The following TMEM74 variants were observed in gnomAD, a reference collection of about 807,000 sequenced individuals.
TMEM74 encodes transmembrane protein 74.
TMEM74 carries 13 observed loss-of-function variants against 18.1 expected under a neutral mutation model. The ratio of observed to expected loss-of-function variants is 0.72; its 90% CI spans 0.47 to 1.14. The LOEUF (loss-of-function observed/expected upper bound fraction) is 1.14. Among genes scored for constraint, TMEM74 ranks in the 50% most tolerant of loss-of-function variants. The pLI is 0.00. For missense variants in TMEM74, 372 were observed against 375.9 expected, an observed-to-expected ratio of 0.99 and a Z score of 0.09; for synonymous variants, 159 against 146.6, an observed-to-expected ratio of 1.08 and a Z score of -0.61.
At chr8:108,652,099 A>T (rs1434909530) in intron 2 of TMEM74, among the ~76,000 whole-genome samples, 1 of 145,472 alleles carries the variant, frequency 6.9e-6, no homozygotes, top group African/African-American at 2.5e-5. Context: ...TTTGCTAGAA[A>T]GAAAAAACAT....
chr8:108,749,385 C>G (rs1813882628), intron 1 of TMEM74, among the ~76,000 whole-genome samples: 1 of 152,076 alleles, frequency 6.6e-6, no homozygotes, highest in Non-Finnish European at 1.5e-5. Flanking sequence ...TATCTGTATT[C>G]CTAGGTATTT....
Position 108,784,159 on chromosome 8 carries a change from C to A in TMEM74, c.*22G>T. On this transcript the variant is annotated 3_prime_UTR_variant, in exon 2 of 2. Transcript: ENST00000297459. ...ATATTATAAAATGCCAAGGCAGACT[C>A]TCAAGATATTCACAACCAGAATTAA... 1 of 1,532,100 alleles carries A rather than the reference C, an allele frequency of 6.5e-7. No individual in the cohort carries two copies. The allele number at this position is 1,532,100 out of a possible 1,614,324, so 94.9% of individuals were successfully genotyped here.
chr8:108,718,176 T>C (rs1233099734), intron 1 of TMEM74, among the ~76,000 whole-genome samples: 1 of 73,192 alleles, frequency 1.4e-5, no homozygotes, highest in Admixed American at 1.4e-4. Flanking sequence ...GCCGGGATGG[T>C]CTCGATCTCC....
chr8:108,786,576 A>G (rs1220766662), intron 1 of TMEM74, among the ~76,000 whole-genome samples: 1 of 152,234 alleles, frequency 6.6e-6, no homozygotes, highest in African/African-American at 2.4e-5. Context: ...GCAAAACAGA[A>G]AACGTTTTTC....
At chr8:108,657,452 T>C (rs1157981256) in intron 1 of TMEM74, among the ~76,000 whole-genome samples, 1 of 152,106 alleles carries the variant, frequency 6.6e-6, no homozygotes, top group Non-Finnish European at 1.5e-5. Context: ...TCCTGGATGC[T>C]GGATCTTGGG....
At chr8:108,703,305 T>C (rs535468076) in intron 1 of TMEM74, among the ~76,000 whole-genome samples, 2 of 152,300 alleles carry the variant, frequency 1.3e-5, no homozygotes, top group South Asian at 4.1e-4. Flanking sequence ...TGTTGTAACG[T>C]ACATTTCCTT....
chr8:108,699,188 C>CTTCCTTT, intron 1 of TMEM74, among the ~76,000 whole-genome samples: 1 of 85,042 alleles, frequency 1.2e-5, no homozygotes, highest in Non-Finnish European at 2.2e-5. Flanking sequence ...TTCCTTCCTC[C>CTTCCTTT]CTCCCTCCCT....
chr8:108,713,079 T>C (rs1354048760), intron 1 of TMEM74, among the ~76,000 whole-genome samples: 1 of 152,228 alleles, frequency 6.6e-6, no homozygotes, highest in Non-Finnish European at 1.5e-5. Context: ...CACAAATACA[T>C]GAACTTTTGT....
intron 2 of TMEM74, among the ~76,000 whole-genome samples, chr8:108,610,174 G>A (rs1812320960): frequency 6.6e-6 from 1 of 152,100 alleles, no homozygotes; most frequent in African/African-American, 2.4e-5. Flanking sequence ...ATTATCGAAG[G>A]AGCACAAATG....
chr8:108,616,469 A>G (rs985929466), intron 2 of TMEM74, among the ~76,000 whole-genome samples: 2 of 152,200 alleles, frequency 1.3e-5, no homozygotes, highest in Non-Finnish European at 2.9e-5. Context: ...TTTTTGTCCA[A>G]AAATTTTATA....
At chr8:108,693,839 G>A (rs1813253553) in intron 1 of TMEM74, among the ~76,000 whole-genome samples, 1 of 152,216 alleles carries the variant, frequency 6.6e-6, no homozygotes. Flanking sequence ...AATATGGAAA[G>A]CATCTAATCT....
chr8:108,634,832 C>T (rs1364394595), intron 2 of TMEM74, among the ~76,000 whole-genome samples: 1 of 152,000 alleles, frequency 6.6e-6, no homozygotes, highest in Admixed American at 6.6e-5. Context: ...AAGGAGCCTC[C>T]AGATGAATTG....
At chr8:108,662,119 A>G (rs908212907) in intron 1 of TMEM74, among the ~76,000 whole-genome samples, 9 of 152,244 alleles carry the variant, frequency 5.9e-5, no homozygotes, top group South Asian at 4.1e-4. Flanking sequence ...CATTGGGAGA[A>G]CAAAGGATTT....
intron 1 of TMEM74, among the ~76,000 whole-genome samples, chr8:108,690,461 G>A (rs1228071264): frequency 8.6e-5 from 13 of 151,630 alleles, no homozygotes. Context: ...GGCAACAGAA[G>A]CTCTGGCAAG....
intron 1 of TMEM74, among the ~76,000 whole-genome samples, chr8:108,671,689 A>G (rs1813006532): frequency 6.6e-6 from 1 of 152,162 alleles, no homozygotes; most frequent in Non-Finnish European, 1.5e-5. Flanking sequence ...TTTCATGGCA[A>G]CAGGGAGTTG....
At chr8:108,765,407 CTTTTTTT>C (rs61334796) in intron 1 of TMEM74, among the ~76,000 whole-genome samples, 1 of 120,732 alleles carries the variant, frequency 8.3e-6, no homozygotes, top group African/African-American at 3.1e-5. Flanking sequence ...TTTGGAACTA[CTTTTTTT>C]TTTTTTTTTT....
intron 2 of TMEM74, among the ~76,000 whole-genome samples, chr8:108,609,060 T>A (rs1812307983): frequency 6.6e-6 from 1 of 152,156 alleles, no homozygotes. Flanking sequence ...CTTGAGTCAG[T>A]TTGAAGCTAG....
intron 1 of TMEM74, among the ~76,000 whole-genome samples, chr8:108,753,001 A>G (rs1171414643): frequency 6.6e-6 from 1 of 152,042 alleles, no homozygotes; most frequent in Non-Finnish European, 1.5e-5. Context: ...ACACACAGCC[A>G]TACTTTTGTC....
At chr8:108,743,813 CCT>C (rs1813823949) in intron 1 of TMEM74, among the ~76,000 whole-genome samples, 1 of 152,146 alleles carries the variant, frequency 6.6e-6, no homozygotes, top group African/African-American at 2.4e-5. Context: ...CCATCCTCCC[CCT>C]CTCCTCCACA....
Sources: allele counts gnomAD v4.1 joint callset (sites outside exome capture counted in the v4.1 genomes callset), GRCh38; gene constraint gnomAD v4.1.1; transcripts MANE v1.5; gene names NCBI Gene and HGNC (gene_info 2026-07-23, HGNC 2026-07-21).